The following UST variants were observed in gnomAD, a reference collection of about 807,000 sequenced individuals.
UST encodes chondroitin sulfate 2-O-sulfotransferase.
In UST, 21 loss-of-function variants were observed where a neutral mutation model predicts 45.6. The ratio of observed to expected loss-of-function variants is 0.46; its 90% CI spans 0.33 to 0.66. UST has a LOEUF of 0.66. Among genes scored for constraint, UST ranks in the 30% least tolerant of loss-of-function variants. UST has a pLI of 0.02. For missense variants in UST, 463 were observed against 512.4 expected (o/e 0.90, Z 0.93); for synonymous variants, 215 against 200.6 (o/e 1.07, Z -0.61).
chr6:148,842,576 C>G (rs994789603), intron 1 of UST, among the ~76,000 whole-genome samples: 1 of 152,124 alleles, frequency 6.6e-6, no homozygotes, highest in African/African-American at 2.4e-5. Context: ...GAGTACAGAG[C>G]CCGAAGGAAG....
chr6:149,068,378 C>T (rs955030015), intron 7 of UST, among the ~76,000 whole-genome samples: 1 of 152,186 alleles, frequency 6.6e-6, no homozygotes, highest in Non-Finnish European at 1.5e-5. Flanking sequence ...TATAAAATGG[C>T]TCTTCCATCA....
chr6:148,796,516 C>T (rs1582817383), intron 1 of UST, among the ~76,000 whole-genome samples: 1 of 148,432 alleles, frequency 6.7e-6, no homozygotes, highest in East Asian at 2.1e-4. Flanking sequence ...CCCAGCTACT[C>T]AGGAAGCTGA....
chr6:148,766,880 AC>A (rs1431940079), intron 1 of UST, among the ~76,000 whole-genome samples: 1 of 152,240 alleles, frequency 6.6e-6, no homozygotes, highest in Non-Finnish European at 1.5e-5. Flanking sequence ...AAATCCTCTT[AC>A]AGTACTATTT....
chr6:149,013,504 C>T (rs1348158506), intron 5 of UST, among the ~76,000 whole-genome samples: 1 of 150,496 alleles, frequency 6.6e-6, no homozygotes, highest in African/African-American at 2.4e-5. Context: ...CCAGCCTGGG[C>T]AACAAGAGCG....
intron 1 of UST, among the ~76,000 whole-genome samples, chr6:148,757,090 T>G (rs893979232): frequency 6.6e-6 from 1 of 152,222 alleles, no homozygotes; most frequent in African/African-American, 2.4e-5. Flanking sequence ...CTCAACCTCC[T>G]GGGCTCAAGC....
chr6:148,883,216 A>G (rs1018371061), intron 1 of UST, among the ~76,000 whole-genome samples: 1 of 152,268 alleles, frequency 6.6e-6, no homozygotes, highest in Admixed American at 6.5e-5. Context: ...TTTCTCACTT[A>G]GAACTAACAA....
At chr6:148,960,963 C>T (rs991189279) in intron 4 of UST, among the ~76,000 whole-genome samples, 2 of 152,080 alleles carry the variant, frequency 1.3e-5, no homozygotes, top group African/African-American at 4.8e-5. Flanking sequence ...CTAATATTAT[C>T]GATGGGTTGA....
At chr6:148,996,640 GTAAT>G (rs1422511633) in intron 5 of UST, among the ~76,000 whole-genome samples, 2 of 152,222 alleles carry the variant, frequency 1.3e-5, no homozygotes, top group East Asian at 1.9e-4. Context: ...CATCATCAGA[GTAAT>G]TAACATATTT....
chr6:149,060,706 C>T (rs775411925), intron 7 of UST, among the ~76,000 whole-genome samples: 2 of 152,162 alleles, frequency 1.3e-5, no homozygotes, highest in Non-Finnish European at 2.9e-5. Flanking sequence ...TTCGGCACAC[C>T]TGTTGCCTGA....
intron 2 of UST, among the ~76,000 whole-genome samples, chr6:148,891,090 A>G (rs1046387556): frequency 1.3e-5 from 2 of 152,202 alleles, no homozygotes; most frequent in Non-Finnish European, 2.9e-5. Flanking sequence ...ATTTGAGTTC[A>G]TTAAAGTAAC....
intron 7 of UST, 135 bp downstream of exon 7, chr6:149,021,616 G>A: frequency 9.5e-7 from 1 of 1,054,488 alleles, no homozygotes; most frequent in African/African-American, 1.6e-5. Context: ...CCCTGGGCTT[G>A]CAAAGGAAAG....
chr6:149,010,316 G>A (rs146134483), intron 5 of UST, among the ~76,000 whole-genome samples: 189 of 152,276 alleles, frequency 1.2e-3, no homozygotes, highest in African/African-American at 4.5e-3. Context: ...CTCTCTGTGA[G>A]ACCATTGTAG....
chr6:148,957,614 A>G (rs1180354357), intron 4 of UST, among the ~76,000 whole-genome samples: 2 of 152,092 alleles, frequency 1.3e-5, no homozygotes, highest in Admixed American at 6.5e-5. Context: ...TTCTATTTTT[A>G]GTGGAGACAG....
At chr6:148,933,674 G>T (rs1021722490) in intron 2 of UST, among the ~76,000 whole-genome samples, 2 of 152,196 alleles carry the variant, frequency 1.3e-5, no homozygotes, top group African/African-American at 4.8e-5. Context: ...CAGAAGAGAT[G>T]ATGGTAATTA....
chr6:148,954,266 A>G (rs1780434644), intron 4 of UST, among the ~76,000 whole-genome samples: 1 of 152,216 alleles, frequency 6.6e-6, no homozygotes, highest in East Asian at 1.9e-4. Flanking sequence ...GTATTTTAGC[A>G]TAAATATTTT....
In UST at chr6:148,751,860, T is replaced by TA. The variant is rs773089559; in HGVS notation, c.247+4184dup. 6.6e-5 allele frequency among the ~76,000 whole-genome samples: 10 copies of TA among 152,354 alleles called. No homozygotes were observed. In the South Asian group the frequency reaches 2.1e-3, roughly 32 times the overall value. ...CCTTGCTGCCAGTAGCCTTATTACT[T>TA]ATGAGCTGTGGAAATATCAAAAACT... is the stretch of plus-strand genomic sequence containing the variant. On this transcript the variant is annotated intron_variant, in intron 1 of 7. Coordinates refer to ENST00000367463, the MANE Select transcript of UST (RefSeq NM_005715.3).
intron 2 of UST, among the ~76,000 whole-genome samples, chr6:148,912,913 G>A (rs1233561864): frequency 1.3e-5 from 2 of 152,158 alleles, no homozygotes; most frequent in East Asian, 1.9e-4. Context: ...AGTTATCAGT[G>A]GTAATGTGCA....
chr6:148,968,390 C>T (rs1288891053), intron 5 of UST, among the ~76,000 whole-genome samples: 1 of 152,198 alleles, frequency 6.6e-6, no homozygotes, highest in East Asian at 1.9e-4. Context: ...GATGCAAGTT[C>T]AACTTCTAGC....
intron 2 of UST, among the ~76,000 whole-genome samples, chr6:148,922,280 A>G (rs1779723863): frequency 6.6e-6 from 1 of 150,926 alleles, no homozygotes; most frequent in African/African-American, 2.4e-5. Flanking sequence ...CCTGACAACC[A>G]CTAGCATACT....
Sources: allele counts gnomAD v4.1 joint callset (sites outside exome capture counted in the v4.1 genomes callset), GRCh38; gene constraint gnomAD v4.1.1; transcripts MANE v1.5; gene names NCBI Gene and HGNC (gene_info 2026-07-23, HGNC 2026-07-21).